The following SEZ6L variants were observed in gnomAD, a reference collection of about 807,000 sequenced individuals.
SEZ6L encodes seizure 6-like protein.
A neutral mutation model predicts 106.2 loss-of-function variants in SEZ6L; 37 were observed. The ratio of observed to expected loss-of-function variants is 0.35; its 90% CI spans 0.27 to 0.46. The LOEUF is 0.46. SEZ6L is among the 20% of genes least tolerant of loss of function. The pLI is 1.00. For synonymous variants in SEZ6L, 541 were observed against 570.4 expected (o/e 0.95, Z 0.73); for missense variants, 1,172 against 1,332.8 (o/e 0.88, Z 1.88).
chr22:26,209,979 A>AGGG (rs1273627065), intron 1 of SEZ6L, among the ~76,000 whole-genome samples: 1 of 139,086 alleles, frequency 7.2e-6, no homozygotes, highest in East Asian at 2.6e-4. Context: ...GGGAGGGAGG[A>AGGG]AGGAAGGAAG....
At chr22:26,344,619 A>G (rs933330874) in intron 10 of SEZ6L, among the ~76,000 whole-genome samples, 1 of 152,202 alleles carries the variant, frequency 6.6e-6, no homozygotes, top group African/African-American at 2.4e-5. Flanking sequence ...CTTTTGTGCA[A>G]AAATTGAACC....
Position 26,350,091 on chromosome 22 carries a change from T to A in SEZ6L, c.2408-961T>A, listed in dbSNP as rs1488094836. 2.0e-5 allele frequency among the ~76,000 whole-genome samples: 3 copies of A among 151,980 alleles called. No individual in the cohort carries two copies. In the East Asian group the frequency reaches 5.8e-4, roughly 29 times the overall value. On this transcript the variant is annotated intron_variant, in intron 11 of 16. Coordinates refer to ENST00000248933, the MANE Select transcript of SEZ6L (RefSeq NM_021115.5). ...TTAAACTATTTGCAATGTTTCCTTT[T>A]TAAAAAAATCGCAAATAATAATGCA... is the stretch of plus-strand genomic sequence containing the variant.
chr22:26,220,143 A>G (rs1413264936), intron 1 of SEZ6L, among the ~76,000 whole-genome samples: 1 of 151,988 alleles, frequency 6.6e-6, no homozygotes, highest in East Asian at 1.9e-4. Context: ...TCACAGTGAG[A>G]CCCCAGGCAA....
chr22:26,268,318 AT>A (rs897975205), intron 1 of SEZ6L, among the ~76,000 whole-genome samples: 9 of 152,212 alleles, frequency 5.9e-5, no homozygotes, highest in Non-Finnish European at 1.0e-4. Context: ...ATCACAGGAC[AT>A]TTTTAAAGTG....
At chr22:26,184,894 G>A (rs1939670417) in intron 1 of SEZ6L, among the ~76,000 whole-genome samples, 1 of 152,160 alleles carries the variant, frequency 6.6e-6, no homozygotes, top group Non-Finnish European at 1.5e-5. Flanking sequence ...GACCAGCCTG[G>A]ACAACCTGGT....
At chr22:26,198,916 G>T (rs117019125) in intron 1 of SEZ6L, among the ~76,000 whole-genome samples, 2 of 152,332 alleles carry the variant, frequency 1.3e-5, no homozygotes, top group East Asian at 3.9e-4. Context: ...TGCCTCCCTT[G>T]TGGTTGGATG....
In SEZ6L at chr22:26,357,733, T is replaced by A. The variant is rs549375177; in HGVS notation, c.2599+6490T>A. Among the ~76,000 whole-genome samples the A allele has an allele frequency of 2.0e-5, 3 of 152,326 alleles. No homozygotes were observed. The East Asian group carries it at 5.8e-4, about 29-fold the overall frequency. On this transcript the variant is annotated intron_variant, in intron 12 of 16. Transcript: ENST00000248933. ...GCCCAGGAGGCTCGACAAATGATGT[T>A]ACTATTACTGTCGTTGATATTGTTA...
chr22:26,327,648 GAC>G (rs2082360667), intron 9 of SEZ6L, among the ~76,000 whole-genome samples: 1 of 115,318 alleles, frequency 8.7e-6, no homozygotes, highest in African/African-American at 3.4e-5. Context: ...CGCACCACAT[GAC>G]ACACCACGCC....
chr22:26,279,221 C>T (rs2080675347), intron 1 of SEZ6L, among the ~76,000 whole-genome samples: 1 of 152,158 alleles, frequency 6.6e-6, no homozygotes. Flanking sequence ...AAGGGATGAC[C>T]ATTGGATGGC....
intron 9 of SEZ6L, among the ~76,000 whole-genome samples, chr22:26,332,188 T>C (rs1032086729): frequency 2.1e-5 from 3 of 145,436 alleles, no homozygotes; most frequent in Non-Finnish European, 4.5e-5. Context: ...CTCGCTCTGT[T>C]GCCCAGGCTG....
rs547263822 is a variant in SEZ6L, at chr22:26,266,554, A to C, written c.95-25852A>C. Among the ~76,000 whole-genome samples, 11 of 151,484 alleles carry C rather than the reference A, an allele frequency of 7.3e-5. No individual in the cohort carries two copies. In the East Asian group the frequency reaches 1.2e-3, roughly 16 times the overall value. Reference sequence around the variant, plus strand: ...CACCACTGCACTCCCGCCTGGGCAAAAGAGCGAGACTCCGTCTCAAAAATA... The same window carrying C: ...CACCACTGCACTCCCGCCTGGGCAACAGAGCGAGACTCCGTCTCAAAAATA... On this transcript the variant is annotated intron_variant, in intron 1 of 16. Transcript: ENST00000248933.
chr22:26,320,449 G>T (rs943809067), intron 9 of SEZ6L, among the ~76,000 whole-genome samples: 1 of 152,240 alleles, frequency 6.6e-6, no homozygotes, highest in Non-Finnish European at 1.5e-5. Context: ...CTTAGGATTT[G>T]CAGTGACATC....
chr22:26,299,146 G>A lies in SEZ6L; in HGVS notation c.1325G>A (p.Ser442Asn), dbSNP rs1601425234. Residue 442 changes from serine (S) to asparagine (N), a missense_variant, in exon 5 of 17, where the codon AGC (serine) becomes AAC (asparagine). By Grantham distance (46) the Ser-to-Asn change is conservative. Around this residue, in one of 4 missense-constraint regions of SEZ6L, gnomAD observed 534 missense variants for 691.0 expected, o/e 0.77. Coordinates refer to ENST00000248933, the MANE Select transcript of SEZ6L (RefSeq NM_021115.5). ...ATCAATGCCTCCAAGCCGCACTGGA[G>A]CAGCCAGGAGCCCATCTGCTCAGGT... The part of the protein sequence containing the change: ...TCINASKPHW[S>N]SQEPICSAPC... 1.9e-6 allele frequency: 3 copies of A among 1,556,542 alleles called. No individual in the cohort carries two copies. Among genetic ancestry groups the A allele is most frequent in the South Asian group, 1.2e-5 (1 of 82,614 alleles).
chr22:26,214,937 CA>C (rs71804199), intron 1 of SEZ6L, among the ~76,000 whole-genome samples: 2,868 of 149,318 alleles, frequency 0.019, 73 homozygotes, highest in South Asian at 0.067. Flanking sequence ...TGGCATATGA[CA>C]AAAAAAAATG....
intron 1 of SEZ6L, 196 bp from the exon 2 acceptor site, chr22:26,292,210 A>C: frequency 1.9e-6 from 1 of 519,286 alleles, no homozygotes; most frequent in East Asian, 3.1e-5. Context: ...AAAAGAAGGA[A>C]GAAAAGAGAA....
At chr22:26,293,590 G>C (rs1393540151) in intron 2 of SEZ6L, among the ~76,000 whole-genome samples, 1 of 152,136 alleles carries the variant, frequency 6.6e-6, no homozygotes, top group Non-Finnish European at 1.5e-5. Flanking sequence ...GCCTCCCAAA[G>C]CACTGGGATT....
intron 6 of SEZ6L, 118 bp downstream of exon 6, chr22:26,306,262 G>T (rs1392758573): frequency 4.4e-6 from 5 of 1,147,714 alleles, no homozygotes; most frequent in Non-Finnish European, 4.9e-6. Flanking sequence ...AAGAAAAGAA[G>T]AGCTGGGGTG....
intron 9 of SEZ6L, among the ~76,000 whole-genome samples, chr22:26,322,522 T>C (rs1377773388): frequency 6.6e-6 from 1 of 152,142 alleles, no homozygotes; most frequent in East Asian, 1.9e-4. Context: ...ACTAGATTTA[T>C]CTCCGTGAAT....
chr22:26,291,536 A>G (rs1426139829), intron 1 of SEZ6L, among the ~76,000 whole-genome samples: 1 of 152,168 alleles, frequency 6.6e-6, no homozygotes, highest in African/African-American at 2.4e-5. Context: ...GCAAACCACC[A>G]TGGCACATGT....
Sources: allele counts gnomAD v4.1 joint callset (sites outside exome capture counted in the v4.1 genomes callset), GRCh38; gene constraint gnomAD v4.1.1; regional missense constraint gnomAD v4.1.1; transcripts MANE v1.5; gene names NCBI Gene and HGNC (gene_info 2026-07-23, HGNC 2026-07-21).